The following PCDH9 variants were observed in gnomAD, a reference collection of about 807,000 sequenced individuals.
PCDH9 encodes protocadherin-9.
A neutral mutation model predicts 70.6 loss-of-function variants in PCDH9; 24 were observed. The observed-to-expected ratio is 0.34, with a 90% CI of 0.25 to 0.48. PCDH9 has a LOEUF of 0.48. Ranked by LOEUF, PCDH9 falls within the 20% of genes least tolerant of loss-of-function variation. The pLI, the probability that PCDH9 is intolerant of heterozygous loss-of-function variation, is 0.99. For synonymous variants in PCDH9, 562 were observed against 558.5 expected (o/e 1.01, Z -0.09); for missense variants, 1,281 against 1,503.6 (o/e 0.85, Z 2.45).
intron 3 of PCDH9, among the ~76,000 whole-genome samples, chr13:66,770,518 G>A (rs1233908324): frequency 6.6e-6 from 1 of 152,142 alleles, no homozygotes; most frequent in Non-Finnish European, 1.5e-5. Flanking sequence ...ATGCCTAGTA[G>A]GCTAACCTTT....
At chr13:66,589,370 T>C (rs1295393847) in intron 4 of PCDH9, among the ~76,000 whole-genome samples, 1 of 152,010 alleles carries the variant, frequency 6.6e-6, no homozygotes, top group Non-Finnish European at 1.5e-5. Context: ...TAATATAGCT[T>C]GAAGGAGGAT....
chr13:66,436,536 A>C (rs1957870387), intron 4 of PCDH9, among the ~76,000 whole-genome samples: 1 of 151,998 alleles, frequency 6.6e-6, no homozygotes, highest in Non-Finnish European at 1.5e-5. Context: ...AAAATAACCC[A>C]TTTTCTCAGC....
At chr13:66,327,203 A>G (rs944743738) in intron 4 of PCDH9, among the ~76,000 whole-genome samples, 1 of 152,076 alleles carries the variant, frequency 6.6e-6, no homozygotes, top group East Asian at 1.9e-4. Context: ...CTCCACAGTA[A>G]CCCTGTTGCC....
intron 4 of PCDH9, among the ~76,000 whole-genome samples, chr13:66,618,658 A>C (rs1028189062): frequency 1.3e-5 from 2 of 152,170 alleles, no homozygotes; most frequent in Non-Finnish European, 2.9e-5. Flanking sequence ...GATATCAGCA[A>C]GTTTCTTCAT....
intron 4 of PCDH9, among the ~76,000 whole-genome samples, chr13:66,597,302 AG>A (rs1251654128): frequency 6.6e-6 from 1 of 151,732 alleles, no homozygotes; most frequent in Non-Finnish European, 1.5e-5. Flanking sequence ...CCTTCAAAGT[AG>A]AAGCTTTATA....
intron 4 of PCDH9, among the ~76,000 whole-genome samples, chr13:66,503,457 A>T (rs1051292985): frequency 1.3e-5 from 2 of 152,238 alleles, no homozygotes; most frequent in South Asian, 2.1e-4. Flanking sequence ...GTAACTTTAA[A>T]TAATACTACA....
rs1340767336 is a variant in PCDH9 at position 66,423,686 on chromosome 13, T to G, written c.3341-118658A>C. On this transcript the variant is annotated intron_variant, in intron 4 of 4. Coordinates refer to ENST00000377865, the MANE Select transcript of PCDH9 (RefSeq NM_203487.3). The stretch of plus-strand genomic sequence containing the variant: ...ATTGAGGGAACATATCTCAAAACAA[T>G]AAGAGCTGTTTATGACAAACCCACA... 2.0e-5 allele frequency among the ~76,000 whole-genome samples: 3 copies of G among 152,088 alleles called. No homozygotes were observed. The East Asian group carries it at 5.8e-4, about 29-fold the overall frequency.
chr13:66,370,257 G>A (rs573192080), intron 4 of PCDH9, among the ~76,000 whole-genome samples: 12 of 151,896 alleles, frequency 7.9e-5, no homozygotes, highest in Non-Finnish European at 1.6e-4. Flanking sequence ...GAAAAATAGA[G>A]TCCCTGTCTC....
chr13:66,515,425 T>C (rs917577843), intron 4 of PCDH9, among the ~76,000 whole-genome samples: 3 of 151,874 alleles, frequency 2.0e-5, no homozygotes, highest in Non-Finnish European at 4.4e-5. Context: ...AATCTGATTT[T>C]TAAATAAAAG....
At chr13:66,523,736 A>G (rs1593618614) in intron 4 of PCDH9, among the ~76,000 whole-genome samples, 1 of 151,996 alleles carries the variant, frequency 6.6e-6, no homozygotes, top group African/African-American at 2.4e-5. Context: ...TGATTTTTTA[A>G]AAATATGATT....
rs1422089975 is a variant in PCDH9, at chr13:67,035,088, A to G, written c.3037-131483T>C. On this transcript the variant is annotated intron_variant, in intron 2 of 4. Transcript: ENST00000377865. ...GAAAAGAGGATTCAATTGTTATCAA[A>G]TGACTATCAACTTCATGGTGTATAT... 2.6e-5 allele frequency among the ~76,000 whole-genome samples: 4 copies of G among 152,234 alleles called. No individual in the cohort carries two copies. The East Asian group carries it at 7.7e-4, about 29-fold the overall frequency.
chr13:66,512,558 T>C (rs1328389451), intron 4 of PCDH9, among the ~76,000 whole-genome samples: 2 of 152,222 alleles, frequency 1.3e-5, no homozygotes, highest in African/African-American at 2.4e-5. Context: ...CCCCAGATTC[T>C]AGATTCTGTG....
chr13:66,414,458 C>T (rs1279677500), intron 4 of PCDH9, among the ~76,000 whole-genome samples: 2 of 152,128 alleles, frequency 1.3e-5, no homozygotes, highest in African/African-American at 4.8e-5. Flanking sequence ...GCAACTGCTC[C>T]CTTTCATTTT....
At chr13:66,985,700 GTGAC>G (rs1297322870) in intron 2 of PCDH9, 1 of 152,048 alleles carries the variant, frequency 6.6e-6, no homozygotes, top group Non-Finnish European at 1.5e-5. Context: ...TAACTGCAGG[GTGAC>G]TGACTAACGA....
intron 3 of PCDH9, among the ~76,000 whole-genome samples, chr13:66,684,757 T>C (rs184487298): frequency 8.1e-4 from 123 of 152,202 alleles, no homozygotes; most frequent in Non-Finnish European, 3.2e-4. Context: ...ATACAGTAAA[T>C]TGGTACAGGA....
At chr13:66,465,318 T>G (rs529972689) in intron 4 of PCDH9, among the ~76,000 whole-genome samples, 3 of 151,830 alleles carry the variant, frequency 2.0e-5, no homozygotes, top group African/African-American at 7.2e-5. Flanking sequence ...ATAGAAATTT[T>G]GAGGGTCAAA....
chr13:66,521,300 T>G (rs2138609643), intron 4 of PCDH9, among the ~76,000 whole-genome samples: 1 of 152,280 alleles, frequency 6.6e-6, no homozygotes, highest in East Asian at 1.9e-4. Flanking sequence ...AAACATTTCC[T>G]TCACATTTTT....
At chr13:66,941,160 C>T (rs1204460610) in intron 2 of PCDH9, among the ~76,000 whole-genome samples, 3 of 151,498 alleles carry the variant, frequency 2.0e-5, no homozygotes, top group Non-Finnish European at 4.4e-5. Flanking sequence ...TGTGAAATAT[C>T]TGTATTATAT....
At chr13:66,311,336 T>C (rs550995062) in intron 4 of PCDH9, among the ~76,000 whole-genome samples, 145 of 140,946 alleles carry the variant, frequency 1.0e-3, no homozygotes, top group Non-Finnish European at 1.5e-3. Context: ...CCCTCAATTT[T>C]TCTCTCTCTC....
Sources: allele counts gnomAD v4.1 joint callset (sites outside exome capture counted in the v4.1 genomes callset), GRCh38; gene constraint gnomAD v4.1.1; transcripts MANE v1.5; gene names NCBI Gene and HGNC (gene_info 2026-07-23, HGNC 2026-07-21).